EXPH5: variants seen among roughly 807,000 people sequenced by gnomAD.
EXPH5 encodes the protein exophilin 5, also known as exophilin-5.
EXPH5 carries 42 observed loss-of-function variants against 41.1 expected under a neutral mutation model. The observed-to-expected ratio is 1.02, with a 90% CI of 0.80 to 1.32. EXPH5 has a LOEUF of 1.32. Ranked by LOEUF, EXPH5 falls within the 40% of genes most tolerant of loss-of-function variation. The probability of loss-of-function intolerance (pLI) is 0.00; values close to 1 mark genes in which losing one functional copy is unlikely to be tolerated. For synonymous variants in EXPH5, 798 were observed against 833.5 expected (o/e 0.96, Z 0.73); for missense variants, 2,298 against 2,314.5 (o/e 0.99, Z 0.15).
At chr11:108,550,571 G>GATA (rs2093959280) in intron 1 of EXPH5, among the ~76,000 whole-genome samples, 1 of 152,146 alleles carries the variant, frequency 6.6e-6, no homozygotes, top group African/African-American at 2.4e-5. Context: ...TTGAGGCCAG[G>GATA]AGTTCGAGAC....
chr11:108,553,296 A>G (rs961990341), intron 1 of EXPH5, among the ~76,000 whole-genome samples: 2 of 152,258 alleles, frequency 1.3e-5, no homozygotes, highest in South Asian at 2.1e-4. Context: ...AAGTTATCTA[A>G]GTAACAATAA....
intron 3 of EXPH5, among the ~76,000 whole-genome samples, chr11:108,537,638 A>G (rs1332342562): frequency 3.9e-5 from 6 of 152,230 alleles, no homozygotes; most frequent in South Asian, 2.1e-4. Context: ...CCCAGAATGA[A>G]GATTATAGAT....
At chr11:108,532,358 ATATATATATTTTTTTTT>A (rs1157649052) in intron 3 of EXPH5, among the ~76,000 whole-genome samples, 3 of 19,014 alleles carry the variant, frequency 1.6e-4, no homozygotes, top group South Asian at 5.2e-3. Context: ...ATATATATAT[ATATATATATTTTTTTTT>A]TTTTTTTTTT....
intron 1 of EXPH5, among the ~76,000 whole-genome samples, chr11:108,577,439 G>A (rs1022954730): frequency 2.0e-5 from 3 of 149,130 alleles, no homozygotes; most frequent in African/African-American, 7.4e-5. Context: ...GTTTTTTTTG[G>A]TGAGACGGAG....
rs573761838 is a variant in EXPH5, at chr11:108,530,662, C to G, written c.444-2478G>C. Among the ~76,000 whole-genome samples the G allele has an allele frequency of 2.0e-5, 3 of 152,352 alleles. 1 individual carries two copies. The South Asian group carries it at 6.2e-4, about 32-fold the overall frequency. Reference sequence around the variant, plus strand: ...TGGTGCATCCCCACAGTCCGACACTCACCAGCTCACCAGGTACCCCTTCTG... The same window carrying G: ...TGGTGCATCCCCACAGTCCGACACTGACCAGCTCACCAGGTACCCCTTCTG... On this transcript the variant is annotated intron_variant, in intron 3 of 5. Transcript: ENST00000265843.
intron 2 of EXPH5, among the ~76,000 whole-genome samples, chr11:108,539,795 A>C (rs1367491671): frequency 1.3e-5 from 2 of 152,202 alleles, no homozygotes; most frequent in Non-Finnish European, 2.9e-5. Context: ...ATGATGCTTA[A>C]AGAAAATGCT....
chr11:108,523,004 C>T (rs1212687836), intron 4 of EXPH5, among the ~76,000 whole-genome samples: 1 of 151,960 alleles, frequency 6.6e-6, no homozygotes, highest in African/African-American at 2.4e-5. Flanking sequence ...ACCTCAGCCT[C>T]TTGAGTAACT....
At chr11:108,515,346 G>A (rs1185512773) in intron 5 of EXPH5, among the ~76,000 whole-genome samples, 3 of 147,992 alleles carry the variant, frequency 2.0e-5, no homozygotes, top group Non-Finnish European at 3.0e-5. Context: ...ATACCTCCTG[G>A]GATCATAATA....
At chr11:108,566,084 T>G (rs1439403000) in intron 1 of EXPH5, among the ~76,000 whole-genome samples, 3 of 152,264 alleles carry the variant, frequency 2.0e-5, no homozygotes, top group African/African-American at 7.2e-5. Context: ...ACAAAGTAGC[T>G]ATGATACAAC....
intron 1 of EXPH5, among the ~76,000 whole-genome samples, chr11:108,557,108 A>G (rs561142267): frequency 6.6e-6 from 1 of 152,358 alleles, no homozygotes; most frequent in South Asian, 2.1e-4. Context: ...AAAATGTCAC[A>G]TCTTTAGAGA....
chr11:108,529,452 C>T (rs2093822333), intron 3 of EXPH5, among the ~76,000 whole-genome samples: 1 of 152,184 alleles, frequency 6.6e-6, no homozygotes, highest in East Asian at 1.9e-4. Flanking sequence ...CCTACCTCAG[C>T]CTCTCAAAGT....
chr11:108,553,157 C>T (rs575052274), intron 1 of EXPH5, among the ~76,000 whole-genome samples: 89 of 152,210 alleles, frequency 5.8e-4, no homozygotes, highest in African/African-American at 2.0e-3. Flanking sequence ...CGAGATCATG[C>T]CACTGCACTC....
At chr11:108,564,097 T>C (rs963456498) in intron 1 of EXPH5, among the ~76,000 whole-genome samples, 3 of 151,930 alleles carry the variant, frequency 2.0e-5, no homozygotes, top group African/African-American at 7.3e-5. Flanking sequence ...CTGGCCAACA[T>C]GGTGAAACCC....
chr11:108,594,185 G>A (rs983033868), upstream of EXPH5, among the ~76,000 whole-genome samples: 2 of 152,172 alleles, frequency 1.3e-5, no homozygotes, highest in Non-Finnish European at 2.9e-5. Flanking sequence ...ACTGACTGTG[G>A]ATGAACCTGG....
chr11:108,578,582 T>C (rs1464636583), intron 1 of EXPH5, among the ~76,000 whole-genome samples: 1 of 152,182 alleles, frequency 6.6e-6, no homozygotes, highest in African/African-American at 2.4e-5. Flanking sequence ...TTCATTGATA[T>C]TATAATAGGT....
At position 108,509,250 on chromosome 11, in the gene EXPH5, C is replaced by A; in HGVS notation, c.*287G>T. The A allele has an allele frequency of 7.5e-6, 2 of 266,936 alleles. No individual in the cohort carries two copies. The highest frequency in any genetic ancestry group is 6.8e-5 in the East Asian group (1 of 14,722). The allele number at this position is 266,936 out of a possible 1,614,324, so 16.5% of individuals were successfully genotyped here. A position where few individuals can be genotyped will look rare whatever the true frequency, so the allele number is the denominator to read the frequency against. The stretch of plus-strand genomic sequence containing the variant: ...TTAGGAGGGAAGTAAAGCAGAAAGC[C>A]CAAATCAGACAGTGAATCAGGGATT... On this transcript the variant is annotated 3_prime_UTR_variant, in exon 6 of 6. Coordinates refer to ENST00000265843, the MANE Select transcript of EXPH5 (RefSeq NM_015065.3).
chr11:108,566,363 T>C (rs2094034577), intron 1 of EXPH5, among the ~76,000 whole-genome samples: 1 of 151,832 alleles, frequency 6.6e-6, no homozygotes, highest in African/African-American at 2.4e-5. Flanking sequence ...AGGGGGGTGG[T>C]GGGGAATAAA....
At chr11:108,532,354 ATATATATATATATTTTTTTTTTTT>A (rs2093845331) in intron 3 of EXPH5, among the ~76,000 whole-genome samples, 1 of 23,004 alleles carries the variant, frequency 4.3e-5, no homozygotes, top group South Asian at 2.3e-3. Context: ...ATATATATAT[ATATATATATATATTTTTTTTTTTT>A]TTTTTTTTTT....
At chr11:108,545,910 AAAC>A (rs963182418) in intron 1 of EXPH5, among the ~76,000 whole-genome samples, 3 of 150,384 alleles carry the variant, frequency 2.0e-5, no homozygotes, top group South Asian at 2.1e-4. Flanking sequence ...CTAAAAAAAA[AAAC>A]AACAGTAAAT....
Sources: allele counts gnomAD v4.1 joint callset (sites outside exome capture counted in the v4.1 genomes callset), GRCh38; gene constraint gnomAD v4.1.1; transcripts MANE v1.5; gene names NCBI Gene and HGNC (gene_info 2026-07-23, HGNC 2026-07-21).